The following AGO3 variants were observed in gnomAD, a reference collection of about 807,000 sequenced individuals.
The protein encoded by AGO3 is protein argonaute-3.
AGO3 carries 16 observed loss-of-function variants against 105.5 expected under a neutral mutation model. The ratio of observed to expected loss-of-function variants is 0.15; its 90% CI spans 0.10 to 0.23. The LOEUF (loss-of-function observed/expected upper bound fraction) is 0.23. Among genes scored for constraint, AGO3 ranks in the 10% least tolerant of loss-of-function variants. AGO3 has a pLI of 1.00. For synonymous variants in AGO3, 340 were observed against 367.3 expected (o/e 0.93, Z 0.85); for missense variants, 534 against 1,088.0 (o/e 0.49, Z 7.16).
chr1:36,040,024 G>C (rs1642181822), intron 15 of AGO3, 40 bp downstream of exon 15: 1 of 1,552,178 alleles, frequency 6.4e-7, no homozygotes, highest in Non-Finnish European at 8.8e-7. Context: ...GGTGAAATCA[G>C]ATATTGTGTT....
At chr1:35,977,247 A>C (rs1423647817) in intron 5 of AGO3, among the ~76,000 whole-genome samples, 1 of 149,298 alleles carries the variant, frequency 6.7e-6, no homozygotes, top group African/African-American at 2.5e-5. Context: ...TGTACCCATA[A>C]AAATTTTTTT....
chr1:35,936,523 T>C (rs183148404), intron 1 of AGO3, among the ~76,000 whole-genome samples: 1 of 152,282 alleles, frequency 6.6e-6, no homozygotes, highest in East Asian at 1.9e-4. Context: ...GATTTCACCA[T>C]GTTGGCCAGG....
intron 11 of AGO3, among the ~76,000 whole-genome samples, chr1:36,025,996 G>GT (rs1265651479): frequency 6.6e-6 from 1 of 151,682 alleles, no homozygotes; most frequent in African/African-American, 2.4e-5. Context: ...AGTTGTGATT[G>GT]TATCACTGCA....
intron 2 of AGO3, among the ~76,000 whole-genome samples, chr1:35,958,031 C>T (rs1268451868): frequency 1.3e-5 from 2 of 151,976 alleles, no homozygotes; most frequent in African/African-American, 4.8e-5. Context: ...CACCACTGCA[C>T]TCCATCCTCT....
At chr1:35,995,878 A>G (rs1320336371) in intron 5 of AGO3, among the ~76,000 whole-genome samples, 5 of 152,086 alleles carry the variant, frequency 3.3e-5, no homozygotes, top group African/African-American at 1.2e-4. Context: ...AGGTTTTACC[A>G]TGTTGGCCAG....
rs1643140291 is a variant in AGO3 at position 36,069,993 on chromosome 1, G to T, written c.*14248G>T. 1 of 152,102 alleles carries T rather than the reference G, an allele frequency of 6.6e-6. No homozygotes were observed. 9.4% of individuals were successfully genotyped at this position (152,102 alleles called of 1,614,324 possible). On this transcript the variant is annotated 3_prime_UTR_variant, in exon 19 of 19. Coordinates refer to ENST00000373191, the MANE Select transcript of AGO3 (RefSeq NM_024852.4). ...AATTGCTTGGACCCAGGTGGCAGAG[G>T]TTGCAGTGAGCCAAGATTGTGCCAC...
intron 17 of AGO3, among the ~76,000 whole-genome samples, chr1:36,046,413 C>G (rs1642471356): frequency 6.6e-6 from 1 of 152,006 alleles, no homozygotes; most frequent in African/African-American, 2.4e-5. Flanking sequence ...ATACCTCGGC[C>G]AGGTGCGGTG....
intron 2 of AGO3, among the ~76,000 whole-genome samples, chr1:35,946,862 A>G (rs1026807683): frequency 2.6e-5 from 4 of 152,238 alleles, no homozygotes; most frequent in Non-Finnish European, 5.9e-5. Context: ...GTAGAGTGTT[A>G]CAGTTGAAAG....
At chr1:35,999,271 C>T (rs1639978618) in intron 5 of AGO3, among the ~76,000 whole-genome samples, 1 of 152,062 alleles carries the variant, frequency 6.6e-6, no homozygotes, top group Non-Finnish European at 1.5e-5. Flanking sequence ...ACCCAGGAGA[C>T]AGAGGTTGCA....
intron 2 of AGO3, among the ~76,000 whole-genome samples, chr1:35,961,503 A>C (rs1646676167): frequency 6.6e-6 from 1 of 152,168 alleles, no homozygotes; most frequent in South Asian, 2.1e-4. Flanking sequence ...CTTTCTACTC[A>C]GTTTTTCACA....
At chr1:35,976,860 TG>T (rs1485121050) in intron 5 of AGO3, among the ~76,000 whole-genome samples, 1 of 152,066 alleles carries the variant, frequency 6.6e-6, no homozygotes, top group Non-Finnish European at 1.5e-5. Context: ...TGTCAAGTTT[TG>T]GTATTATTTC....
chr1:36,059,508 C>G lies in AGO3; in HGVS notation c.*3763C>G, dbSNP rs1488648926. On this transcript the variant is annotated 3_prime_UTR_variant, in exon 19 of 19. Coordinates refer to ENST00000373191, the MANE Select transcript of AGO3 (RefSeq NM_024852.4). ...ATGCTAGATTTTGGTCTTCTTTTTT[C>G]TGTGATGTATCTTACGAGACTGACT... 6.7e-6 allele frequency: 1 copy of G among 149,958 alleles called. No individual in the cohort carries two copies. Among genetic ancestry groups the G allele is most frequent in the African/African-American group, 2.5e-5 (1 of 40,658 alleles). 9.3% of individuals were successfully genotyped at this position (149,958 alleles called of 1,614,324 possible).
intron 9 of AGO3, among the ~76,000 whole-genome samples, chr1:36,011,076 A>G (rs1281124231): frequency 6.6e-6 from 1 of 152,214 alleles, no homozygotes; most frequent in Non-Finnish European, 1.5e-5. Flanking sequence ...ACCGCTTTAT[A>G]AAACTCATAG....
In AGO3 at chr1:36,064,880, T is replaced by C. The variant is rs968890056; in HGVS notation, c.*9135T>C. On this transcript the variant is annotated 3_prime_UTR_variant, in exon 19 of 19. Transcript: ENST00000373191. ...TTACTACTAATTAAAAGCAAATTAA[T>C]GTGGCTGGGCGTGGTAGCTCACACC... is the stretch of plus-strand genomic sequence containing the variant. 1.3e-5 allele frequency: 2 copies of C among 152,186 alleles called. No homozygotes were observed. Among genetic ancestry groups the C allele is most frequent in the Non-Finnish European group, 2.9e-5 (2 of 68,058 alleles). 9.4% of individuals were successfully genotyped at this position (152,186 alleles called of 1,614,324 possible).
intron 5 of AGO3, among the ~76,000 whole-genome samples, chr1:36,000,646 A>T (rs891834918): frequency 1.3e-5 from 2 of 152,120 alleles, no homozygotes; most frequent in African/African-American, 4.8e-5. Flanking sequence ...TTAAAAATTA[A>T]CCCAGATCAA....
At chr1:36,044,962 G>A (rs1228596512) in intron 17 of AGO3, among the ~76,000 whole-genome samples, 1 of 152,138 alleles carries the variant, frequency 6.6e-6, no homozygotes, top group African/African-American at 2.4e-5. Context: ...GAAATTTCCA[G>A]ATGTACCTTA....
chr1:36,048,287 C>T (rs959052562), intron 17 of AGO3, among the ~76,000 whole-genome samples: 4 of 151,814 alleles, frequency 2.6e-5, no homozygotes, highest in Non-Finnish European at 5.9e-5. Flanking sequence ...CTGTCTCAAT[C>T]ATTCAATCAA....
chr1:35,965,748 G>C (rs1646761600), intron 2 of AGO3, among the ~76,000 whole-genome samples: 1 of 151,192 alleles, frequency 6.6e-6, no homozygotes, highest in African/African-American at 2.4e-5. Context: ...TATCCAGTCA[G>C]CTTGATGTTT....
intron 17 of AGO3, among the ~76,000 whole-genome samples, chr1:36,053,792 A>G (rs1642817879): frequency 1.6e-5 from 2 of 124,996 alleles, no homozygotes; most frequent in South Asian, 2.6e-4. Flanking sequence ...CTCTGTCACC[A>G]GGCTGAAGTG....
Sources: allele counts gnomAD v4.1 joint callset (sites outside exome capture counted in the v4.1 genomes callset), GRCh38; gene constraint gnomAD v4.1.1; transcripts MANE v1.5; gene names NCBI Gene and HGNC (gene_info 2026-07-23, HGNC 2026-07-21).